The following PRKG1 variants were observed in gnomAD, a reference collection of about 807,000 sequenced individuals.
The protein encoded by PRKG1 is protein kinase cGMP-dependent 1.
PRKG1 carries 35 observed loss-of-function variants against 88.1 expected under a neutral mutation model. The observed-to-expected ratio is 0.40, with a 90% CI of 0.30 to 0.53. The LOEUF is 0.53. Ranked by LOEUF, PRKG1 falls within the 20% of genes least tolerant of loss-of-function variation. PRKG1 has a pLI of 0.59. For synonymous variants in PRKG1, 303 were observed against 292.5 expected (o/e 1.04, Z -0.37); for missense variants, 540 against 839.8 (o/e 0.64, Z 4.41).
intron 3 of PRKG1, chr10:51,699,607 A>G (rs1841410312): frequency 6.5e-7 from 1 of 1,538,680 alleles, no homozygotes; most frequent in Admixed American, 2.1e-5. Flanking sequence ...TCCTCTTGCG[A>G]CCGACACTTC....
chr10:52,079,290 GT>G (rs1401171744), intron 7 of PRKG1, among the ~76,000 whole-genome samples: 2 of 151,632 alleles, frequency 1.3e-5, no homozygotes, highest in South Asian at 2.1e-4. Context: ...GATGTGCATG[GT>G]TTTTTTTCAT....
chr10:51,749,918 G>T (rs1837675489), intron 3 of PRKG1, among the ~76,000 whole-genome samples: 1 of 149,468 alleles, frequency 6.7e-6, no homozygotes, highest in East Asian at 2.0e-4. Flanking sequence ...TATTAAAACT[G>T]TATCTCTAAT....
At chr10:51,249,605 C>T (rs903955766) in intron 2 of PRKG1, among the ~76,000 whole-genome samples, 1 of 151,276 alleles carries the variant, frequency 6.6e-6, no homozygotes, top group African/African-American at 2.4e-5. Context: ...CAAAACAATT[C>T]AACTTTCCCT....
At chr10:52,127,539 A>G (rs978677782) in intron 7 of PRKG1, among the ~76,000 whole-genome samples, 18 of 152,294 alleles carry the variant, frequency 1.2e-4, no homozygotes, top group Admixed American at 7.2e-4. Context: ...ATGTCAACAA[A>G]ACAAATTGAG....
At chr10:52,257,263 G>A (rs1841330397) in intron 10 of PRKG1, among the ~76,000 whole-genome samples, 1 of 139,044 alleles carries the variant, frequency 7.2e-6, no homozygotes, top group Non-Finnish European at 1.6e-5. Flanking sequence ...CACTCTCACA[G>A]CATTTTTGCC....
At chr10:51,494,699 G>T (rs1840803845) in intron 3 of PRKG1, among the ~76,000 whole-genome samples, 1 of 152,158 alleles carries the variant, frequency 6.6e-6, no homozygotes, top group Non-Finnish European at 1.5e-5. Context: ...TAATGTGTTT[G>T]CTTTGTAAAG....
chr10:51,116,211 C>T (rs1845119635), intron 1 of PRKG1, among the ~76,000 whole-genome samples: 1 of 152,136 alleles, frequency 6.6e-6, no homozygotes, highest in South Asian at 2.1e-4. Context: ...AATAATGTGG[C>T]ATTATCCACG....
At chr10:51,305,711 C>T (rs921049555) in intron 2 of PRKG1, among the ~76,000 whole-genome samples, 1 of 152,126 alleles carries the variant, frequency 6.6e-6, no homozygotes, top group South Asian at 2.1e-4. Context: ...TTCCTCTGCT[C>T]CAGCTTTCTG....
rs9299454 is a variant in PRKG1 at position 51,034,668 on chromosome 10, T to TTTTATATATATATATA, written c.266+43025_266+43026insTTATATATATATATAT. On this transcript the variant is annotated intron_variant, in intron 1 of 17. Transcript: ENST00000401604. ...AGCAAAATTATATATAATATGTTAT[T>TTTTATATATATATATA]TATATATATATATATATATATATAT... Among the ~76,000 whole-genome samples, 48 of 68,180 alleles carry TTTTATATATATATATA rather than the reference T, an allele frequency of 7.0e-4. 1 individual carries two copies. The highest frequency in any genetic ancestry group is 9.0e-4 in the Non-Finnish European group (33 of 36,466). 44.7% of individuals were successfully genotyped at this position (68,180 alleles called of 152,430 possible).
intron 5 of PRKG1, among the ~76,000 whole-genome samples, chr10:51,917,318 CAAAAA>C (rs1288522303): frequency 1.4e-5 from 1 of 69,506 alleles, no homozygotes; most frequent in African/African-American, 3.9e-5. Flanking sequence ...GACTCCATCT[CAAAAA>C]AAAAAAAAAA....
intron 12 of PRKG1, among the ~76,000 whole-genome samples, chr10:52,279,144 T>C (rs1841943292): frequency 6.6e-6 from 1 of 152,056 alleles, no homozygotes; most frequent in African/African-American, 2.4e-5. Context: ...CATACTTAAT[T>C]AAGGGCGAAG....
intron 8 of PRKG1, among the ~76,000 whole-genome samples, chr10:52,148,553 C>G (rs998681100): frequency 2.6e-5 from 4 of 151,778 alleles, no homozygotes; most frequent in Admixed American, 6.6e-5. Context: ...TTTGGGAAAC[C>G]ATTTACCTTT....
At chr10:51,636,284 T>G (rs966667688) in intron 3 of PRKG1, among the ~76,000 whole-genome samples, 3 of 152,224 alleles carry the variant, frequency 2.0e-5, no homozygotes, top group African/African-American at 7.2e-5. Flanking sequence ...TGGCTTTGCC[T>G]TTAGCTTCTT....
At chr10:51,925,883 T>C (rs1472916826) in intron 5 of PRKG1, among the ~76,000 whole-genome samples, 3 of 152,136 alleles carry the variant, frequency 2.0e-5, no homozygotes, top group African/African-American at 2.4e-5. Context: ...ATTTTTCTTA[T>C]AAGGATGAAA....
At chr10:51,856,177 C>G (rs991150377) in intron 4 of PRKG1, among the ~76,000 whole-genome samples, 10 of 152,120 alleles carry the variant, frequency 6.6e-5, no homozygotes, top group African/African-American at 2.4e-5. Context: ...CATTTAGAGC[C>G]CACCCATATA....
intron 3 of PRKG1, among the ~76,000 whole-genome samples, chr10:51,682,556 G>A (rs976749459): frequency 5.3e-5 from 8 of 152,030 alleles, no homozygotes; most frequent in African/African-American, 1.4e-4. Context: ...CATGCCCATG[G>A]GTTTTTTTGT....
intron 5 of PRKG1, among the ~76,000 whole-genome samples, chr10:52,051,334 TCTC>T (rs1845983517): frequency 6.6e-6 from 1 of 152,174 alleles, no homozygotes; most frequent in South Asian, 2.1e-4. Context: ...AGCTGCTTAT[TCTC>T]CTCTTTCTGA....
At chr10:51,950,805 G>A (rs573426408) in intron 5 of PRKG1, among the ~76,000 whole-genome samples, 4 of 152,362 alleles carry the variant, frequency 2.6e-5, no homozygotes, top group South Asian at 4.1e-4. Flanking sequence ...GGGTACCTGC[G>A]CTCAGTGTGG....
At chr10:51,965,243 CCT>C (rs1843539853) in intron 5 of PRKG1, among the ~76,000 whole-genome samples, 1 of 152,084 alleles carries the variant, frequency 6.6e-6, no homozygotes, top group African/African-American at 2.4e-5. Flanking sequence ...CACTCTCCAC[CCT>C]CTGATATGCC....
Sources: allele counts gnomAD v4.1 joint callset (sites outside exome capture counted in the v4.1 genomes callset), GRCh38; gene constraint gnomAD v4.1.1; transcripts MANE v1.5; gene names NCBI Gene and HGNC (gene_info 2026-07-23, HGNC 2026-07-21).